NRG3: variants seen among roughly 807,000 people sequenced by gnomAD.
The protein encoded by NRG3 is neuregulin 3, also known as pro-neuregulin-3, membrane-bound isoform.
Under a neutral mutation model 66.9 loss-of-function variants are expected in NRG3, and 31 were observed. The ratio of observed to expected loss-of-function variants is 0.46; its 90% CI spans 0.35 to 0.63. The LOEUF is 0.63. Ranked by LOEUF, NRG3 falls within the 20% of genes least tolerant of loss-of-function variation. NRG3 has a pLI of 0.00. For missense variants in NRG3, 910 were observed against 878.9 expected (o/e 1.04, Z -0.45); for synonymous variants, 393 against 359.4 (o/e 1.09, Z -1.06).
chr10:82,534,823 G>C (rs1171375129), intron 2 of NRG3, among the ~76,000 whole-genome samples: 2 of 151,834 alleles, frequency 1.3e-5, no homozygotes, highest in African/African-American at 4.8e-5. Flanking sequence ...AATGGAGAAA[G>C]GATAGTCTCT....
intron 1 of NRG3, among the ~76,000 whole-genome samples, chr10:81,877,170 A>G (rs535361559): frequency 6.6e-6 from 1 of 152,192 alleles, no homozygotes; most frequent in Non-Finnish European, 1.5e-5. Context: ...TTGTATAGAA[A>G]GTGCGTATTT....
chr10:82,633,486 A>G (rs927680754), intron 2 of NRG3, among the ~76,000 whole-genome samples: 1 of 152,134 alleles, frequency 6.6e-6, no homozygotes. Flanking sequence ...GGAGGGTGAA[A>G]AAGCGGACAA....
chr10:82,597,927 A>T (rs2047385415), intron 2 of NRG3, among the ~76,000 whole-genome samples: 2 of 152,210 alleles, frequency 1.3e-5, no homozygotes, highest in African/African-American at 4.8e-5. Context: ...CTCAAAAAAA[A>T]AAAAAAAAGC....
intron 3 of NRG3, among the ~76,000 whole-genome samples, chr10:82,776,279 T>G (rs549561209): frequency 6.6e-6 from 1 of 152,338 alleles, no homozygotes; most frequent in South Asian, 2.1e-4. Context: ...ATATTTCTGC[T>G]GAGAAATCAC....
intron 2 of NRG3, among the ~76,000 whole-genome samples, chr10:82,445,504 C>G (rs1487582091): frequency 1.3e-5 from 2 of 152,166 alleles, no homozygotes; most frequent in African/African-American, 2.4e-5. Flanking sequence ...TAGGGGCTCT[C>G]TGTGTCTAAA....
chr10:82,147,312 A>G (rs1363748078), intron 1 of NRG3, among the ~76,000 whole-genome samples: 1 of 152,168 alleles, frequency 6.6e-6, no homozygotes. Context: ...TTGATCTCAC[A>G]TTTGATTTTC....
chr10:82,821,561 G>A (rs2061957244), intron 3 of NRG3, among the ~76,000 whole-genome samples: 1 of 151,120 alleles, frequency 6.6e-6, no homozygotes, highest in Non-Finnish European at 1.5e-5. Context: ...TCAGATTTGA[G>A]GAAAAATCCT....
At chr10:82,624,177 C>T (rs1403958789) in intron 2 of NRG3, among the ~76,000 whole-genome samples, 1 of 152,060 alleles carries the variant, frequency 6.6e-6, no homozygotes, top group African/African-American at 2.4e-5. Context: ...TTCATAAAAG[C>T]CCTCCAGCAG....
chr10:82,785,212 G>C (rs1455904701), intron 3 of NRG3, among the ~76,000 whole-genome samples: 1 of 151,734 alleles, frequency 6.6e-6, no homozygotes, highest in Non-Finnish European at 1.5e-5. Flanking sequence ...TGTGGGGTAG[G>C]GGGAAGGGGG....
At chr10:82,459,183 G>C (rs1394522536) in intron 2 of NRG3, among the ~76,000 whole-genome samples, 2 of 152,114 alleles carry the variant, frequency 1.3e-5, no homozygotes, top group African/African-American at 2.4e-5. Flanking sequence ...ATACTACCGT[G>C]AGCCACATCT....
chr10:82,031,938 C>G (rs1001784032), intron 1 of NRG3, among the ~76,000 whole-genome samples: 1 of 152,022 alleles, frequency 6.6e-6, no homozygotes, highest in African/African-American at 2.4e-5. Flanking sequence ...AATTTTTTCA[C>G]CTCCAAGCCA....
intron 1 of NRG3, among the ~76,000 whole-genome samples, chr10:81,909,086 G>A (rs1305802451): frequency 6.6e-6 from 1 of 152,162 alleles, no homozygotes; most frequent in Non-Finnish European, 1.5e-5. Context: ...GAAGGCTCTA[G>A]GGAATAATTC....
intron 1 of NRG3, among the ~76,000 whole-genome samples, chr10:82,184,209 T>A (rs900306371): frequency 6.6e-6 from 1 of 152,164 alleles, no homozygotes; most frequent in Non-Finnish European, 1.5e-5. Context: ...GTCTTGACAT[T>A]TGCACCGATA....
chr10:82,048,239 C>T (rs9702788), intron 1 of NRG3, among the ~76,000 whole-genome samples: 134,769 of 151,904 alleles, frequency 0.89, 60,932 homozygotes, highest in South Asian at 0.99. Context: ...CAGCTCTGCA[C>T]CAAGAGGACC....
At chr10:82,203,784 A>G (rs909438347) in intron 1 of NRG3, among the ~76,000 whole-genome samples, 4 of 152,204 alleles carry the variant, frequency 2.6e-5, no homozygotes, top group Admixed American at 6.5e-5. Context: ...CAAGGAATCA[A>G]CAATGAAAGT....
intron 1 of NRG3, among the ~76,000 whole-genome samples, chr10:81,937,417 ATTCT>A (rs1847982826): frequency 6.6e-6 from 1 of 152,114 alleles, no homozygotes; most frequent in Non-Finnish European, 1.5e-5. Flanking sequence ...ATTTCTCCAC[ATTCT>A]TACCAACATT....
At chr10:81,953,852 G>T (rs566488996) in intron 1 of NRG3, among the ~76,000 whole-genome samples, 7 of 152,228 alleles carry the variant, frequency 4.6e-5, no homozygotes, top group Admixed American at 1.3e-4. Context: ...TGTCTAAGCA[G>T]GAAGATACTG....
At chr10:82,450,332 C>A (rs778894032) in intron 2 of NRG3, among the ~76,000 whole-genome samples, 1 of 152,132 alleles carries the variant, frequency 6.6e-6, no homozygotes, top group Admixed American at 6.5e-5. Flanking sequence ...AGAACCCATA[C>A]CATCAGAGCA....
chr10:82,704,981 T>C (rs2056179061), intron 2 of NRG3, among the ~76,000 whole-genome samples: 1 of 152,144 alleles, frequency 6.6e-6, no homozygotes. Flanking sequence ...CACTGAATAA[T>C]AGAAATCATG....
Sources: allele counts gnomAD v4.1 joint callset (sites outside exome capture counted in the v4.1 genomes callset), GRCh38; gene constraint gnomAD v4.1.1; transcripts MANE v1.5; gene names NCBI Gene and HGNC (gene_info 2026-07-23, HGNC 2026-07-21).